Variants in FAM83B observed in about 807,000 individuals in gnomAD.
FAM83B encodes the protein scaffolding CK1 anchoring protein B, also known as protein FAM83B.
A neutral mutation model predicts 38.8 loss-of-function variants in FAM83B; 26 were observed. The observed-to-expected ratio is 0.67, with a 90% CI of 0.49 to 0.93. FAM83B has a LOEUF of 0.93. Ranked by LOEUF, FAM83B falls within the 40% of genes least tolerant of loss-of-function variation. The pLI, the probability that FAM83B is intolerant of heterozygous loss-of-function variation, is 0.00. For missense variants in FAM83B, 1,237 were observed against 1,197.3 expected, an observed-to-expected ratio of 1.03 and a Z score of -0.49; for synonymous variants, 419 against 423.1, an observed-to-expected ratio of 0.99 and a Z score of 0.12.
chr6:54,920,378 GA>G (rs530854505), intron 2 of FAM83B, among the ~76,000 whole-genome samples: 1 of 151,714 alleles, frequency 6.6e-6, no homozygotes, highest in Non-Finnish European at 1.5e-5. Context: ...TTCTTCTGCT[GA>G]AAAAAATAAA....
rs560940337 is a variant in FAM83B at position 54,924,956 on chromosome 6, C to T, written c.445-1415C>T. On this transcript the variant is annotated intron_variant, in intron 2 of 4. Transcript: ENST00000306858. ...TAACCAGATCATTTCATTACTTCAA[C>T]TCAAAGCCCTTTAATAGCTTACAGT... 4.7e-4 allele frequency among the ~76,000 whole-genome samples: 71 copies of T among 152,248 alleles called. 1 individual carries two copies. The South Asian group carries it at 0.014, about 30-fold the overall frequency.
At chr6:54,939,051 G>A (rs1773593309) in intron 4 of FAM83B, among the ~76,000 whole-genome samples, 1 of 152,026 alleles carries the variant, frequency 6.6e-6, no homozygotes, top group Admixed American at 6.6e-5. Context: ...GGTGAGAAGT[G>A]AGGATCCAGT....
chr6:54,857,301 A>C (rs1328799309), intron 1 of FAM83B, among the ~76,000 whole-genome samples: 1 of 152,196 alleles, frequency 6.6e-6, no homozygotes, highest in Non-Finnish European at 1.5e-5. Context: ...AAATAGACTC[A>C]GAGGTGGGAC....
chr6:54,858,208 C>T (rs2127572581), intron 1 of FAM83B, among the ~76,000 whole-genome samples: 1 of 152,296 alleles, frequency 6.6e-6, no homozygotes, highest in Non-Finnish European at 1.5e-5. Context: ...GAGGAAAATT[C>T]TTAGTCTTCT....
intron 2 of FAM83B, among the ~76,000 whole-genome samples, chr6:54,879,718 A>G (rs923305808): frequency 6.6e-6 from 1 of 152,166 alleles, no homozygotes; most frequent in Admixed American, 6.5e-5. Context: ...GTGGGAAGTC[A>G]TGAGATGTTT....
In FAM83B at chr6:54,927,658, T is replaced by G. The variant is rs554401029; in HGVS notation, c.734+26T>G. 2.5e-5 allele frequency: 38 copies of G among 1,491,502 alleles called. No individual in the cohort carries two copies. In the South Asian group the frequency reaches 5.7e-4, roughly 22 times the overall value. 92.4% of individuals were successfully genotyped at this position (1,491,502 alleles called of 1,614,324 possible). A position where few individuals can be genotyped will look rare whatever the true frequency, so the allele number is the denominator to read the frequency against. On this transcript the variant is annotated intron_variant, in intron 4 of 4. Transcript: ENST00000306858. ...GTAAGATCATTGTGTTTAACTTCAG[T>G]GTTATCAATCGTTTTGATGATTTAT...
intron 2 of FAM83B, among the ~76,000 whole-genome samples, chr6:54,885,962 TATAATAATA>T (rs71781584): frequency 9.3e-5 from 14 of 150,092 alleles, no homozygotes; most frequent in Middle Eastern, 7.0e-3. Context: ...AAACTTAAAG[TATAATAATA>T]ATAATAATAA....
At chr6:54,925,820 ACCATTCCC>A (rs1444822867) in intron 2 of FAM83B, among the ~76,000 whole-genome samples, 14 of 152,270 alleles carry the variant, frequency 9.2e-5, no homozygotes, top group East Asian at 7.7e-4. Context: ...AGGTCCTGGA[ACCATTCCC>A]CCAGTAAACT....
intron 2 of FAM83B, among the ~76,000 whole-genome samples, chr6:54,887,276 T>C (rs1437713367): frequency 1.3e-5 from 2 of 152,174 alleles, no homozygotes; most frequent in Non-Finnish European, 2.9e-5. Flanking sequence ...CAAACACAGA[T>C]TAAAAATACA....
intron 1 of FAM83B, among the ~76,000 whole-genome samples, chr6:54,858,326 CTTG>C (rs891062629): frequency 2.2e-4 from 33 of 152,286 alleles, no homozygotes; most frequent in Middle Eastern, 3.4e-3. Flanking sequence ...AGATCCTCAT[CTTG>C]TTGTAAGTTT....
chr6:54,851,709 G>A (rs1464350180), intron 1 of FAM83B, among the ~76,000 whole-genome samples: 2 of 138,738 alleles, frequency 1.4e-5, no homozygotes, highest in Admixed American at 7.2e-5. Context: ...GTGCAGTGGC[G>A]AGATCTGGGC....
At chr6:54,878,792 A>G (rs1772058103) in intron 2 of FAM83B, among the ~76,000 whole-genome samples, 1 of 152,204 alleles carries the variant, frequency 6.6e-6, no homozygotes, top group Admixed American at 6.5e-5. Flanking sequence ...CTATATTTTA[A>G]CAGTATACTT....
chr6:54,858,352 G>T (rs780376170), intron 1 of FAM83B, among the ~76,000 whole-genome samples: 4 of 152,134 alleles, frequency 2.6e-5, no homozygotes, highest in Non-Finnish European at 4.4e-5. Context: ...CCTACCTTTA[G>T]AGTAGAGTGA....
In FAM83B at chr6:54,921,362, TCCG is replaced by T. The variant is rs1276375327; in HGVS notation, c.445-5008_445-5006del. On this transcript the variant is annotated intron_variant, in intron 2 of 4. Coordinates refer to ENST00000306858, the MANE Select transcript of FAM83B (RefSeq NM_001010872.3). The stretch of plus-strand genomic sequence containing the variant: ...TATGTAATATATACTGTAGGTGTCC[TCCG>T]GGGTCTGGGTCACTTTGGGAAAATT... Among the ~76,000 whole-genome samples the T allele has an allele frequency of 1.8e-3, 277 of 151,962 alleles. 4 individuals carry two copies. The East Asian group carries it at 0.042, about 23-fold the overall frequency.
rs1396783577 is a variant in FAM83B at position 54,870,494 on chromosome 6, G to A, written c.248G>A (p.Cys83Tyr). ...ACAGCACATGGTACTGATGATTCCT[G>A]TGATGATACCTTATCTTCAGGGACC... ...QSTAHGTDDSCDDTLSSGTYW... is the reference protein window; with the variant it reads ...QSTAHGTDDSYDDTLSSGTYW... Residue 83 changes from cysteine (C) to tyrosine (Y), a missense_variant, in exon 2 of 5, where the codon TGT (cysteine) becomes TAT (tyrosine). Coordinates refer to ENST00000306858, the MANE Select transcript of FAM83B (RefSeq NM_001010872.3). 6.2e-7 allele frequency: 1 copy of A among 1,614,040 alleles called. No homozygotes were observed. Among genetic ancestry groups the A allele is most frequent in the Admixed American group, 1.7e-5 (1 of 60,002 alleles).
chr6:54,907,675 A>G (rs1480134700), intron 2 of FAM83B, among the ~76,000 whole-genome samples: 1 of 151,950 alleles, frequency 6.6e-6, no homozygotes, highest in East Asian at 1.9e-4. Flanking sequence ...GTTTGAAGGC[A>G]CCTCAGAGGT....
rs186703718 is a variant in FAM83B at position 54,929,752 on chromosome 6, G to A, written c.734+2120G>A. On this transcript the variant is annotated intron_variant, in intron 4 of 4. Coordinates refer to ENST00000306858, the MANE Select transcript of FAM83B (RefSeq NM_001010872.3). The stretch of plus-strand genomic sequence containing the variant: ...TGATGGACTTTAAGCCCCCAGCCAG[G>A]AACTCGGAATTTTTAAGTCAACTTC... 5.3e-5 allele frequency among the ~76,000 whole-genome samples: 8 copies of A among 152,096 alleles called. No homozygotes were observed. In the East Asian group the frequency reaches 1.5e-3, roughly 29 times the overall value.
chr6:54,890,334 T>G (rs1404746326), intron 2 of FAM83B, among the ~76,000 whole-genome samples: 2 of 152,136 alleles, frequency 1.3e-5, no homozygotes, highest in Non-Finnish European at 2.9e-5. Context: ...AATAAAAGAT[T>G]GCCTTGTCAT....
intron 2 of FAM83B, among the ~76,000 whole-genome samples, chr6:54,875,814 G>A (rs565449971): frequency 6.6e-6 from 1 of 152,190 alleles, no homozygotes; most frequent in South Asian, 2.1e-4. Flanking sequence ...AAAAGATCTG[G>A]TTAAAATTGC....
Sources: gnomAD v4.1 joint callset for allele counts (sites outside exome capture counted in the v4.1 genomes callset) on GRCh38, gnomAD v4.1.1 for gene constraint, MANE v1.5 for transcripts, NCBI Gene and HGNC (gene_info 2026-07-23, HGNC 2026-07-21) for gene names.